PSD3: variants seen among roughly 807,000 people sequenced by gnomAD.
PSD3 encodes pleckstrin and Sec7 domain containing 3.
In PSD3, 49 loss-of-function variants were observed where a neutral mutation model predicts 105.5. That is an observed-to-expected ratio of 0.46 (90% CI 0.37 to 0.59). The LOEUF is 0.59. Ranked by LOEUF, PSD3 falls within the 20% of genes least tolerant of loss-of-function variation. The probability of loss-of-function intolerance (pLI) is 0.00; values close to 1 mark genes in which losing one functional copy is unlikely to be tolerated. For missense variants in PSD3, 1,561 were observed against 1,263.8 expected, an observed-to-expected ratio of 1.24 and a Z score of -3.57; for synonymous variants, 557 against 457.8, an observed-to-expected ratio of 1.22 and a Z score of -2.77.
At chr8:19,081,326 G>A (rs886115275) in intron 1 of PSD3, among the ~76,000 whole-genome samples, 2 of 152,184 alleles carry the variant, frequency 1.3e-5, no homozygotes, top group African/African-American at 4.8e-5. Flanking sequence ...CTCCACCAGA[G>A]GAATTAGGAG....
At chr8:18,585,798 C>T (rs529899703) in intron 12 of PSD3, among the ~76,000 whole-genome samples, 22 of 152,240 alleles carry the variant, frequency 1.4e-4, no homozygotes, top group African/African-American at 5.3e-4. Flanking sequence ...AACATCATTT[C>T]CCCTCATTTT....
At chr8:19,018,969 A>G (rs1827269270) in intron 1 of PSD3, among the ~76,000 whole-genome samples, 1 of 152,130 alleles carries the variant, frequency 6.6e-6, no homozygotes, top group Non-Finnish European at 1.5e-5. Context: ...GCTAATTTTG[A>G]TATTTTCAGT....
At chr8:18,826,281 G>A (rs1813179472) in intron 4 of PSD3, among the ~76,000 whole-genome samples, 1 of 152,128 alleles carries the variant, frequency 6.6e-6, no homozygotes, top group Admixed American at 6.5e-5. Context: ...GGACTTCTTG[G>A]CCTCCGTAAT....
chr8:18,530,816 G>A lies in PSD3; in HGVS notation c.*4927C>T, dbSNP rs1345282222. 1 of 151,676 alleles carries A rather than the reference G, an allele frequency of 6.6e-6. No individual in the cohort carries two copies. Among genetic ancestry groups the A allele is most frequent in the African/African-American group, 2.4e-5 (1 of 41,276 alleles). The allele number at this position is 151,676 out of a possible 1,614,324, so 9.4% of individuals were successfully genotyped here. A position where few individuals can be genotyped will look rare whatever the true frequency, so the allele number is the denominator to read the frequency against. ...GTCATTTTTGCCCTGGTGATTCAAA[G>A]CTCAAAGAATTTTCTAGCATAAAGT... On this transcript the variant is annotated 3_prime_UTR_variant, in exon 16 of 16. Coordinates refer to ENST00000327040, the MANE Select transcript of PSD3 (RefSeq NM_015310.4).
chr8:18,803,414 T>TGTGTGTGC (rs1029223474), intron 6 of PSD3: 3 of 152,402 alleles, frequency 2.0e-5, no homozygotes, highest in Non-Finnish European at 2.9e-5. Flanking sequence ...TGTGTGTGTG[T>TGTGTGTGC]GTGTGTTAAA....
At chr8:18,995,957 C>T (rs1437403419) in intron 1 of PSD3, among the ~76,000 whole-genome samples, 1 of 151,940 alleles carries the variant, frequency 6.6e-6, no homozygotes, top group Non-Finnish European at 1.5e-5. Flanking sequence ...GCATCCGTAG[C>T]ATCACCTAGT....
At chr8:18,796,561 T>C (rs911467632) in intron 8 of PSD3, among the ~76,000 whole-genome samples, 7 of 152,264 alleles carry the variant, frequency 4.6e-5, no homozygotes, top group African/African-American at 1.4e-4. Flanking sequence ...GTAAGGAAAT[T>C]AGCAGGCCAA....
intron 12 of PSD3, 144 bp downstream of exon 12, chr8:18,600,220 T>C: frequency 1.4e-6 from 1 of 726,518 alleles, no homozygotes; most frequent in East Asian, 2.8e-5. Flanking sequence ...TTTCTGGAAT[T>C]CTCCGCTGAA....
chr8:19,066,994 C>T (rs1185398291), intron 1 of PSD3, among the ~76,000 whole-genome samples: 1 of 152,054 alleles, frequency 6.6e-6, no homozygotes. Context: ...AAAGAAAAGC[C>T]TTATGACTAT....
At chr8:18,567,347 G>A (rs1360749221) in intron 14 of PSD3, among the ~76,000 whole-genome samples, 1 of 151,916 alleles carries the variant, frequency 6.6e-6, no homozygotes, top group African/African-American at 2.4e-5. Context: ...TATGCGACAT[G>A]CTCTTTATGT....
chr8:18,884,413 T>C (rs904612585), intron 2 of PSD3, among the ~76,000 whole-genome samples: 7 of 152,166 alleles, frequency 4.6e-5, no homozygotes, highest in African/African-American at 1.7e-4. Flanking sequence ...AAAATAAATT[T>C]GGTATGATAA....
At chr8:18,639,760 A>AT (rs1194483117) in intron 10 of PSD3, among the ~76,000 whole-genome samples, 1 of 152,150 alleles carries the variant, frequency 6.6e-6, no homozygotes, top group African/African-American at 2.4e-5. Context: ...CATTTGTGGC[A>AT]TTTTGTTATG....
At position 18,575,259 on chromosome 8, in the gene PSD3, C is replaced by T; in HGVS notation, c.2508G>A (p.Leu836=). 1 of 1,611,710 alleles carries T rather than the reference C, an allele frequency of 6.2e-7. No homozygotes were observed. The highest frequency in any genetic ancestry group is 8.5e-7 in the Non-Finnish European group (1 of 1,178,844). ...QKDEYKPEKA[L]SEEDLKNAVS... is the part of the protein sequence containing the mutation. ...CAGCGTTTTTCAAGTCCTCTTCAGACAAGGCCTTTTCTGGCTTGTATTCAT... is the reference window on the plus strand; with the variant it reads ...CAGCGTTTTTCAAGTCCTCTTCAGATAAGGCCTTTTCTGGCTTGTATTCAT... Residue 836 remains leucine (L), a synonymous_variant, in exon 13 of 16, where the codon TTG becomes TTA. Transcript: ENST00000327040.
intron 4 of PSD3, among the ~76,000 whole-genome samples, chr8:18,825,208 A>AAGTT (rs1312637494): frequency 6.6e-6 from 1 of 152,168 alleles, no homozygotes; most frequent in African/African-American, 2.4e-5. Flanking sequence ...GAGAACCCAA[A>AAGTT]AGTTAGTTAT....
At chr8:18,682,615 C>T (rs75652474) in intron 9 of PSD3, among the ~76,000 whole-genome samples, 359 of 152,218 alleles carry the variant, frequency 2.4e-3, no homozygotes, top group Non-Finnish European at 3.6e-3. Context: ...TTGCTAATGA[C>T]GGAGGGGGTC....
At chr8:18,913,690 C>A (rs1210015237) in intron 2 of PSD3, among the ~76,000 whole-genome samples, 1 of 152,146 alleles carries the variant, frequency 6.6e-6, no homozygotes, top group East Asian at 1.9e-4. Flanking sequence ...TCTAGGCCTG[C>A]CCCCAGTGAA....
chr8:18,897,879 C>A (rs761779955), intron 2 of PSD3, among the ~76,000 whole-genome samples: 1 of 152,004 alleles, frequency 6.6e-6, no homozygotes, highest in Admixed American at 6.6e-5. Context: ...CTGAATTAGA[C>A]GGTCAGTTCA....
At chr8:18,924,094 C>T (rs1821207792) in intron 2 of PSD3, among the ~76,000 whole-genome samples, 1 of 152,026 alleles carries the variant, frequency 6.6e-6, no homozygotes, top group Non-Finnish European at 1.5e-5. Flanking sequence ...TTAAGGCTAC[C>T]AGCATACAGC....
In PSD3 at chr8:18,936,120, T is replaced by C; in HGVS notation, c.44A>G (p.Asn15Ser). The change falls in exon 2 of 16, where the codon AAC (asparagine) becomes AGC (serine). Residue 15 changes from asparagine (N) to serine (S), a missense_variant. By Grantham distance (46) the Asn-to-Ser change is conservative (BLOSUM62 1). Coordinates refer to ENST00000327040, the MANE Select transcript of PSD3 (RefSeq NM_015310.4). ...ACTCTGGGAATGTGCAGATGCATTG[T>C]TCACCCAAACAAATGTCTCTGCCTG... ...SAAAETFVWV[N>S]NASAHSQSVA... The C allele has an allele frequency of 3.1e-6, 5 of 1,612,650 alleles. No homozygotes were observed. Among genetic ancestry groups the C allele is most frequent in the Non-Finnish European group, 4.2e-6 (5 of 1,179,448 alleles).
Sources: allele counts gnomAD v4.1 joint callset (sites outside exome capture counted in the v4.1 genomes callset), GRCh38; gene constraint gnomAD v4.1.1; transcripts MANE v1.5; gene names NCBI Gene and HGNC (gene_info 2026-07-23, HGNC 2026-07-21).